Variants in MOGAT1 observed in about 807,000 individuals in gnomAD.
MOGAT1 encodes the protein 2-acylglycerol O-acyltransferase 1.
A neutral mutation model predicts 31.4 loss-of-function variants in MOGAT1; 32 were observed. The ratio of observed to expected loss-of-function variants is 1.02; its 90% CI spans 0.77 to 1.37. The LOEUF (loss-of-function observed/expected upper bound fraction) is 1.37, where lower values mean the gene tolerates loss of function less well. MOGAT1 is among the 40% of genes most tolerant of loss of function. MOGAT1 has a pLI of 0.00. For missense variants in MOGAT1, 426 were observed against 402.0 expected, an observed-to-expected ratio of 1.06 and a Z score of -0.51; for synonymous variants, 145 against 144.5, an observed-to-expected ratio of 1.00 and a Z score of -0.03.
intron 5 of MOGAT1, among the ~76,000 whole-genome samples, chr2:222,708,735 A>G (rs557008019): frequency 6.6e-6 from 1 of 152,228 alleles, no homozygotes; most frequent in Admixed American, 6.5e-5. Flanking sequence ...GAATATAAAC[A>G]TTTTTTCCAA....
At chr2:222,694,607 A>T in intron 4 of MOGAT1, 71 bp downstream of exon 4, 1 of 1,475,580 alleles carries the variant, frequency 6.8e-7, no homozygotes, top group Non-Finnish European at 9.2e-7. Flanking sequence ...ACGAAGAAGT[A>T]AGGTGATTTT....
intron 5 of MOGAT1, among the ~76,000 whole-genome samples, chr2:222,709,184 G>T (rs1202370316): frequency 6.6e-6 from 1 of 152,182 alleles, no homozygotes; most frequent in Non-Finnish European, 1.5e-5. Flanking sequence ...CGGGCATGGT[G>T]GTGGGAGCCT....
chr2:222,693,985 G>C (rs1692804171), intron 3 of MOGAT1, among the ~76,000 whole-genome samples: 1 of 152,096 alleles, frequency 6.6e-6, no homozygotes, highest in Non-Finnish European at 1.5e-5. Flanking sequence ...TAAATATCAA[G>C]GCCACCACAT....
At chr2:222,697,582 T>C (rs1692854962) in intron 5 of MOGAT1, among the ~76,000 whole-genome samples, 1 of 145,470 alleles carries the variant, frequency 6.9e-6, no homozygotes, top group Non-Finnish European at 1.5e-5. Context: ...GAATCTTTTT[T>C]TTTTTTTTTT....
intron 5 of MOGAT1, among the ~76,000 whole-genome samples, 189 bp downstream of exon 5, chr2:222,695,477 T>C (rs1171720838): frequency 6.6e-6 from 1 of 152,232 alleles, no homozygotes; most frequent in Non-Finnish European, 1.5e-5. Flanking sequence ...TCCACTAGAA[T>C]AGGAATTGAT....
intron 1 of MOGAT1, among the ~76,000 whole-genome samples, chr2:222,676,934 C>A (rs185623085): frequency 8.1e-4 from 123 of 152,278 alleles, no homozygotes; most frequent in South Asian, 1.7e-3. Flanking sequence ...TGTTTAAACA[C>A]AATCCACAGA....
intron 5 of MOGAT1, among the ~76,000 whole-genome samples, chr2:222,707,607 C>T (rs1200152709): frequency 6.6e-6 from 1 of 152,276 alleles, no homozygotes; most frequent in Admixed American, 6.5e-5. Flanking sequence ...ATATTTCCAG[C>T]CACAATTGAC....
At position 222,701,717 on chromosome 2, in the gene MOGAT1, C is replaced by A. The variant is rs181956483; in HGVS notation, c.853+6429C>A. Reference sequence around the variant, plus strand: ...GGAGGGGAGGGGAAAGGAGGGGGTTCTTTCCATCCATAGGCGTGCCCTGAT... The same window carrying A: ...GGAGGGGAGGGGAAAGGAGGGGGTTATTTCCATCCATAGGCGTGCCCTGAT... On this transcript the variant is annotated intron_variant, in intron 5 of 5. Coordinates refer to ENST00000446656, the MANE Select transcript of MOGAT1 (RefSeq NM_058165.3). 2.5e-4 allele frequency among the ~76,000 whole-genome samples: 38 copies of A among 152,026 alleles called. No individual in the cohort carries two copies. In the East Asian group the frequency reaches 7.2e-3, roughly 29 times the overall value.
chr2:222,688,925 T>C (rs1413381235), intron 2 of MOGAT1, among the ~76,000 whole-genome samples: 1 of 152,206 alleles, frequency 6.6e-6, no homozygotes, highest in Non-Finnish European at 1.5e-5. Flanking sequence ...TAATTACCTC[T>C]CATTAGGCCC....
intron 5 of MOGAT1, among the ~76,000 whole-genome samples, chr2:222,707,595 C>T (rs1041458719): frequency 2.6e-5 from 4 of 152,156 alleles, no homozygotes; most frequent in Non-Finnish European, 5.9e-5. Context: ...CTCTGCTAGT[C>T]CATATTTCCA....
intron 1 of MOGAT1, among the ~76,000 whole-genome samples, chr2:222,679,011 T>G (rs919053458): frequency 1.3e-5 from 2 of 152,190 alleles, no homozygotes; most frequent in East Asian, 3.9e-4. Flanking sequence ...CTCCTACCAG[T>G]GTTAATAGTT....
chr2:222,688,208 C>A, intron 1 of MOGAT1, 136 bp from the exon 2 acceptor site: 1 of 591,818 alleles, frequency 1.7e-6, no homozygotes, highest in East Asian at 3.0e-5. Context: ...TGTGTCATTA[C>A]TGTCTTGTTA....
At position 222,688,531 on chromosome 2, in the gene MOGAT1, A is replaced by G. The variant is rs766889045; in HGVS notation, c.273+9A>G. The G allele has an allele frequency of 6.3e-7, 1 of 1,585,118 alleles. No individual in the cohort carries two copies. Among genetic ancestry groups the G allele is most frequent in the Non-Finnish European group, 8.6e-7 (1 of 1,164,378 alleles). On this transcript the variant is annotated intron_variant, in intron 2 of 5. Coordinates refer to ENST00000446656, the MANE Select transcript of MOGAT1 (RefSeq NM_058165.3). ...ACTATTTTCCAATTCATGTGAGTAC[A>G]GTTGTTTTATAAAGTATTATTTTGA...
intron 5 of MOGAT1, among the ~76,000 whole-genome samples, chr2:222,701,630 C>A (rs13003136): frequency 0.51 from 69,987 of 137,624 alleles, 18,622 homozygotes; most frequent in African/African-American, 0.68. Flanking sequence ...AAAGGAAGGA[C>A]GTCGGGAAGG....
chr2:222,675,809 G>T (rs1692489155), intron 1 of MOGAT1, among the ~76,000 whole-genome samples: 1 of 152,018 alleles, frequency 6.6e-6, no homozygotes, highest in Admixed American at 6.6e-5. Context: ...TAAAAATTTT[G>T]TCTCATCATG....
chr2:222,684,440 T>C (rs1692631690), intron 1 of MOGAT1, among the ~76,000 whole-genome samples: 2 of 152,074 alleles, frequency 1.3e-5, no homozygotes. Flanking sequence ...ACAAAACTAT[T>C]GTGATGCTCT....
At chr2:222,676,063 G>A (rs1331982549) in intron 1 of MOGAT1, among the ~76,000 whole-genome samples, 1 of 151,888 alleles carries the variant, frequency 6.6e-6, no homozygotes, top group Non-Finnish European at 1.5e-5. Context: ...TTTTAAAGTA[G>A]CAAAATGTTT....
At chr2:222,689,052 G>C (rs1015447148) in intron 2 of MOGAT1, among the ~76,000 whole-genome samples, 1 of 152,164 alleles carries the variant, frequency 6.6e-6, no homozygotes, top group Non-Finnish European at 1.5e-5. Flanking sequence ...TAAATGAACT[G>C]TAAGCTGACT....
intron 1 of MOGAT1, among the ~76,000 whole-genome samples, chr2:222,677,250 A>G (rs568053474): frequency 3.9e-5 from 6 of 152,334 alleles, no homozygotes; most frequent in African/African-American, 1.4e-4. Context: ...CATATTTACA[A>G]GGTATGTTGT....
Sources: gnomAD v4.1 joint callset for allele counts (sites outside exome capture counted in the v4.1 genomes callset) on GRCh38, gnomAD v4.1.1 for gene constraint, MANE v1.5 for transcripts, NCBI Gene and HGNC (gene_info 2026-07-23, HGNC 2026-07-21) for gene names.